CNTNAP2: variants seen among roughly 807,000 people sequenced by gnomAD.
CNTNAP2 encodes contactin associated protein 2.
Under a neutral mutation model 155.2 loss-of-function variants are expected in CNTNAP2, and 98 were observed. The observed-to-expected ratio is 0.63, with a 90% CI of 0.54 to 0.75. The LOEUF is 0.75. CNTNAP2 is among the 30% of genes least tolerant of loss of function. The pLI is 0.00. For missense variants in CNTNAP2, 1,727 were observed against 1,688.1 expected (o/e 1.02, Z -0.40); for synonymous variants, 651 against 631.2 (o/e 1.03, Z -0.47).
chr7:147,871,047 C>T (rs1442387031), intron 13 of CNTNAP2, among the ~76,000 whole-genome samples: 1 of 152,104 alleles, frequency 6.6e-6, no homozygotes, highest in Non-Finnish European at 1.5e-5. Context: ...TAATTATGGC[C>T]CCTCGGTCAC....
At chr7:148,022,480 A>AG (rs1554463128) in intron 15 of CNTNAP2, among the ~76,000 whole-genome samples, 15 of 138,288 alleles carry the variant, frequency 1.1e-4, no homozygotes, top group African/African-American at 2.5e-4. Flanking sequence ...AAAAAAAAAA[A>AG]AAAAGAAAAG....
chr7:146,534,392 G>A (rs974776861), intron 1 of CNTNAP2, among the ~76,000 whole-genome samples: 18 of 152,218 alleles, frequency 1.2e-4, no homozygotes, highest in East Asian at 9.7e-4. Context: ...TTTGGCTGAC[G>A]TAGGAATAAC....
intron 12 of CNTNAP2, among the ~76,000 whole-genome samples, chr7:147,576,046 T>C (rs1251072593): frequency 6.6e-6 from 1 of 152,038 alleles, no homozygotes; most frequent in Non-Finnish European, 1.5e-5. Context: ...TTTAATAGGT[T>C]GAAACATTCG....
intron 8 of CNTNAP2, among the ~76,000 whole-genome samples, chr7:147,203,620 T>C (rs942563436): frequency 2.2e-4 from 34 of 152,216 alleles, no homozygotes; most frequent in African/African-American, 8.2e-4. Context: ...TACACATAGA[T>C]TCTTGATATA....
intron 14 of CNTNAP2, among the ~76,000 whole-genome samples, chr7:147,963,455 C>T (rs1005481664): frequency 6.6e-6 from 1 of 151,860 alleles, no homozygotes; most frequent in Non-Finnish European, 1.5e-5. Flanking sequence ...CTTTACAAGG[C>T]TTGAGGGATG....
At chr7:147,735,607 A>T (rs1796828565) in intron 13 of CNTNAP2, among the ~76,000 whole-genome samples, 1 of 152,128 alleles carries the variant, frequency 6.6e-6, no homozygotes, top group Admixed American at 6.5e-5. Flanking sequence ...GATCTGTCTA[A>T]TGTTGACAGT....
chr7:147,114,586 A>T (rs1800947580), intron 5 of CNTNAP2, among the ~76,000 whole-genome samples: 1 of 151,698 alleles, frequency 6.6e-6, no homozygotes, highest in Non-Finnish European at 1.5e-5. Context: ...GTGTTTTTTG[A>T]TCTTTGGTGG....
At chr7:147,680,354 T>C (rs1314122351) in intron 13 of CNTNAP2, among the ~76,000 whole-genome samples, 3 of 151,924 alleles carry the variant, frequency 2.0e-5, no homozygotes, top group Non-Finnish European at 4.4e-5. Context: ...ACAATAGCAA[T>C]GAGAATATCA....
At chr7:147,869,192 C>A (rs1460905863) in intron 13 of CNTNAP2, among the ~76,000 whole-genome samples, 6 of 152,186 alleles carry the variant, frequency 3.9e-5, no homozygotes, top group Admixed American at 3.9e-4. Context: ...AACCTTTCAA[C>A]AGCTACAGTG....
chr7:146,352,750 G>GTTTTTTTTTCTTTTTT (rs1794934916), intron 1 of CNTNAP2, among the ~76,000 whole-genome samples: 1 of 64,338 alleles, frequency 1.6e-5, no homozygotes, highest in Non-Finnish European at 2.9e-5. Flanking sequence ...GCATAATTCT[G>GTTTTTTTTTCTTTTTT]TTTTTTTTTT....
chr7:147,286,544 T>C (rs1284208733), intron 8 of CNTNAP2, among the ~76,000 whole-genome samples: 2 of 152,036 alleles, frequency 1.3e-5, no homozygotes, highest in Admixed American at 6.6e-5. Context: ...AATGATAATA[T>C]ATGCATTACC....
intron 1 of CNTNAP2, among the ~76,000 whole-genome samples, chr7:146,136,774 C>G (rs1449770493): frequency 1.3e-5 from 2 of 152,150 alleles, no homozygotes; most frequent in Non-Finnish European, 2.9e-5. Flanking sequence ...CATTTAGGCT[C>G]TAAGCCGGCC....
intron 3 of CNTNAP2, among the ~76,000 whole-genome samples, chr7:146,913,026 G>A (rs1045119199): frequency 6.6e-6 from 1 of 152,028 alleles, no homozygotes; most frequent in African/African-American, 2.4e-5. Context: ...CTCCTTTATT[G>A]GTTAATGGAG....
intron 1 of CNTNAP2, among the ~76,000 whole-genome samples, chr7:146,130,979 T>G (rs1209497790): frequency 6.6e-6 from 1 of 152,128 alleles, no homozygotes; most frequent in Non-Finnish European, 1.5e-5. Context: ...CCTTGGCACT[T>G]GGGGATTAAG....
intron 3 of CNTNAP2, among the ~76,000 whole-genome samples, chr7:146,985,474 T>C (rs996243103): frequency 6.8e-6 from 1 of 147,530 alleles, no homozygotes; most frequent in Non-Finnish European, 1.5e-5. Context: ...CCTGCCACCA[T>C]GCCCGGCTAA....
intron 17 of CNTNAP2, among the ~76,000 whole-genome samples, chr7:148,149,769 C>G (rs1162705092): frequency 6.6e-6 from 1 of 151,984 alleles, no homozygotes; most frequent in Non-Finnish European, 1.5e-5. Context: ...CCAGGCTGGT[C>G]TCAAACTCCT....
At chr7:146,650,917 G>A (rs1279011145) in intron 1 of CNTNAP2, among the ~76,000 whole-genome samples, 1 of 152,114 alleles carries the variant, frequency 6.6e-6, no homozygotes, top group African/African-American at 2.4e-5. Flanking sequence ...CTATTCAGGA[G>A]GCTGAGGTGT....
chr7:146,724,647 C>T (rs866661110), intron 1 of CNTNAP2, among the ~76,000 whole-genome samples: 4 of 148,720 alleles, frequency 2.7e-5, no homozygotes, highest in Non-Finnish European at 5.9e-5. Context: ...CTCTGCTCAC[C>T]GCAACCTCCG....
chr7:147,758,471 AG>A (rs1350143743), intron 13 of CNTNAP2, among the ~76,000 whole-genome samples: 18 of 152,172 alleles, frequency 1.2e-4, no homozygotes, highest in African/African-American at 4.3e-4. Context: ...TCCTGGCCAA[AG>A]CTAGTTCAGC....
Sources: gnomAD v4.1 joint callset for allele counts (sites outside exome capture counted in the v4.1 genomes callset) on GRCh38, gnomAD v4.1.1 for gene constraint, MANE v1.5 for transcripts, NCBI Gene and HGNC (gene_info 2026-07-23, HGNC 2026-07-21) for gene names.